The following FGL1 variants were observed in gnomAD, a reference collection of about 807,000 sequenced individuals.
FGL1 encodes fibrinogen like 1.
In FGL1, 59 loss-of-function variants were observed where a neutral mutation model predicts 43.7. The observed-to-expected ratio is 1.35, with a 90% CI of 1.10 to 1.68. The LOEUF (loss-of-function observed/expected upper bound fraction) is 1.68. FGL1 is among the 40% of genes most tolerant of loss of function. The probability of loss-of-function intolerance (pLI) is 0.00; values close to 1 mark genes in which losing one functional copy is unlikely to be tolerated. For missense variants in FGL1, 596 were observed against 373.0 expected (o/e 1.60, Z -4.92); for synonymous variants, 192 against 126.5 (o/e 1.52, Z -3.48).
At chr8:17,881,149 T>TTTTTTTTTTTTTTTTTTG (rs2053529377) in intron 3 of FGL1, among the ~76,000 whole-genome samples, 1 of 151,526 alleles carries the variant, frequency 6.6e-6, no homozygotes, top group African/African-American at 2.4e-5. Flanking sequence ...TTTTTTTTTT[T>TTTTTTTTTTTTTTTTTTG]TTTTTGAGAC....
rs370770771 is a variant in FGL1, at chr8:17,873,551, C to T, written c.502+468G>A. Among the ~76,000 whole-genome samples, 7 of 152,138 alleles carry T rather than the reference C, an allele frequency of 4.6e-5. No homozygotes were observed. In the East Asian group the frequency reaches 7.7e-4, roughly 17 times the overall value. On this transcript the variant is annotated intron_variant, in intron 5 of 7. Coordinates refer to ENST00000427924, the MANE Select transcript of FGL1 (RefSeq NM_004467.4). Reference sequence around the variant, plus strand: ...ACTAAGCTTTGGAAGAGGATTGTTACACGTTATTATTGTGACATTAGGTAA... The same window carrying T: ...ACTAAGCTTTGGAAGAGGATTGTTATACGTTATTATTGTGACATTAGGTAA...
intron 5 of FGL1, among the ~76,000 whole-genome samples, chr8:17,869,850 C>G (rs908145925): frequency 1.3e-5 from 2 of 152,180 alleles, no homozygotes; most frequent in African/African-American, 4.8e-5. Flanking sequence ...TGGCTCACGC[C>G]TGTAATCCCA....
intron 3 of FGL1, among the ~76,000 whole-genome samples, chr8:17,874,829 G>T (rs2053420960): frequency 6.6e-6 from 1 of 151,806 alleles, no homozygotes; most frequent in African/African-American, 2.4e-5. Context: ...ATGGGGGCGT[G>T]TCACTATATT....
At chr8:17,884,666 G>C (rs1332515476) in intron 2 of FGL1, among the ~76,000 whole-genome samples, 1 of 152,132 alleles carries the variant, frequency 6.6e-6, no homozygotes, top group African/African-American at 2.4e-5. Context: ...TGGGGGATCG[G>C]TTGTGATATT....
chr8:17,868,328 G>T, intron 7 of FGL1: 1 of 354,212 alleles, frequency 2.8e-6, no homozygotes, highest in Non-Finnish European at 4.9e-6. Flanking sequence ...CTTTGTAAAA[G>T]TAATAATTTA....
At chr8:17,875,376 T>G (rs1356759509) in intron 3 of FGL1, among the ~76,000 whole-genome samples, 3 of 152,226 alleles carry the variant, frequency 2.0e-5, no homozygotes, top group Non-Finnish European at 4.4e-5. Flanking sequence ...TGCTAAAAAC[T>G]GCAAGCTTCT....
intron 2 of FGL1, among the ~76,000 whole-genome samples, chr8:17,883,687 T>C (rs1338145941): frequency 6.9e-6 from 1 of 145,856 alleles, no homozygotes; most frequent in Non-Finnish European, 1.5e-5. Context: ...AATATATATA[T>C]ATTTTTTATA....
rs554772574 is a variant in FGL1 at position 17,867,290 on chromosome 8, GA to G, written c.779+1257del. Among the ~76,000 whole-genome samples the G allele has an allele frequency of 7.9e-5, 12 of 152,142 alleles. No individual in the cohort carries two copies. The East Asian group carries it at 2.3e-3, about 29-fold the overall frequency. On this transcript the variant is annotated intron_variant, in intron 7 of 7. Coordinates refer to ENST00000427924, the MANE Select transcript of FGL1 (RefSeq NM_004467.4). ...TAAAGAAAATAAAATTTACCAAACT[GA>G]AAGACATGATATAGATTCAAAAGAA...
intron 7 of FGL1, 62 bp downstream of exon 7, chr8:17,868,486 A>G (rs1167313180): frequency 1.1e-5 from 14 of 1,239,390 alleles, no homozygotes; most frequent in Non-Finnish European, 1.5e-5. Context: ...TATATTGATA[A>G]TTAATGTCTA....
chr8:17,885,165 C>G (rs1015456254), intron 2 of FGL1, among the ~76,000 whole-genome samples: 1 of 151,826 alleles, frequency 6.6e-6, no homozygotes, highest in Non-Finnish European at 1.5e-5. Context: ...CTCAGCCTCA[C>G]GAGTAGCTAG....
intron 3 of FGL1, among the ~76,000 whole-genome samples, chr8:17,874,991 T>C (rs925446174): frequency 1.3e-5 from 2 of 152,120 alleles, no homozygotes; most frequent in African/African-American, 4.8e-5. Flanking sequence ...AGTAGTCTGT[T>C]AATAACAGTA....
chr8:17,866,243 G>C (rs992750349), intron 7 of FGL1, among the ~76,000 whole-genome samples: 7 of 152,196 alleles, frequency 4.6e-5, no homozygotes, highest in Non-Finnish European at 8.8e-5. Context: ...AACTAGGTTA[G>C]GGGATGATTG....
chr8:17,882,464 C>G, intron 2 of FGL1: 1 of 235,582 alleles, frequency 4.2e-6, no homozygotes, highest in Non-Finnish European at 8.3e-6. Flanking sequence ...ATCCTCATAA[C>G]AATTCCATGC....
In FGL1 at chr8:17,885,484, A is replaced by G. The variant is rs750696507; in HGVS notation, c.63+8T>C. Reference sequence around the variant, plus strand: ...TAAATATGACAATAGTTTTCCCAAGAAGCTTACCGAAATTTCCCTGCCCAT... The same window carrying G: ...TAAATATGACAATAGTTTTCCCAAGGAGCTTACCGAAATTTCCCTGCCCAT... On this transcript the variant is annotated splice_region_variant and intron_variant, in intron 2 of 7. Coordinates refer to ENST00000427924, the MANE Select transcript of FGL1 (RefSeq NM_004467.4). 1 of 1,606,242 alleles carries G rather than the reference A, an allele frequency of 6.2e-7. No homozygotes were observed. Among genetic ancestry groups the G allele is most frequent in the Non-Finnish European group, 8.5e-7 (1 of 1,173,742 alleles).
At chr8:17,889,292 G>C (rs1432656055) in intron 1 of FGL1, among the ~76,000 whole-genome samples, 1 of 152,226 alleles carries the variant, frequency 6.6e-6, no homozygotes, top group African/African-American at 2.4e-5. Context: ...GCTTACGCCT[G>C]TAATCTCAGC....
chr8:17,875,099 T>C (rs534144665), intron 3 of FGL1, among the ~76,000 whole-genome samples: 9 of 152,336 alleles, frequency 5.9e-5, no homozygotes, highest in African/African-American at 2.2e-4. Flanking sequence ...CCAAAGTTAC[T>C]ACAGGTTATC....
At chr8:17,865,571 C>T (rs2131687667) in intron 7 of FGL1, among the ~76,000 whole-genome samples, 1 of 152,230 alleles carries the variant, frequency 6.6e-6, no homozygotes, top group East Asian at 1.9e-4. Flanking sequence ...ACATATATTG[C>T]ACCAATCTAG....
rs116032579 is a variant in FGL1 at position 17,874,198 on chromosome 8, C to G, written c.405-82G>C. ...GACCACCACCCACCCCCTGCTACCA[C>G]CACCTCCAATATTTTCTTGATTAGT... On this transcript the variant is annotated intron_variant, in intron 4 of 7. Coordinates refer to ENST00000427924, the MANE Select transcript of FGL1 (RefSeq NM_004467.4). The G allele has an allele frequency of 2.4e-3, 3,177 of 1,348,258 alleles. 70 individuals carry two copies. In the African/African-American group the frequency reaches 0.041, roughly 17 times the overall value. The allele number at this position is 1,348,258 out of a possible 1,614,324, so 83.5% of individuals were successfully genotyped here.
At chr8:17,884,060 G>A (rs1384291032) in intron 2 of FGL1, among the ~76,000 whole-genome samples, 1 of 130,980 alleles carries the variant, frequency 7.6e-6, no homozygotes, top group East Asian at 2.2e-4. Flanking sequence ...CTTTTCTTTT[G>A]TTCTTTTCCT....
Sources: gnomAD v4.1 joint callset for allele counts (sites outside exome capture counted in the v4.1 genomes callset) on GRCh38, gnomAD v4.1.1 for gene constraint, MANE v1.5 for transcripts, NCBI Gene and HGNC (gene_info 2026-07-23, HGNC 2026-07-21) for gene names.